The following KIF21B variants were observed in gnomAD, a reference collection of about 807,000 sequenced individuals.
KIF21B encodes kinesin-like protein KIF21B.
KIF21B carries 85 observed loss-of-function variants against 192.9 expected under a neutral mutation model. That is an observed-to-expected ratio of 0.44 (90% CI 0.37 to 0.53). The LOEUF (loss-of-function observed/expected upper bound fraction) is 0.53. Ranked by LOEUF, KIF21B falls within the 20% of genes least tolerant of loss-of-function variation. The probability of loss-of-function intolerance (pLI) is 0.00; values close to 1 mark genes in which losing one functional copy is unlikely to be tolerated. For missense variants in KIF21B, 1,716 were observed against 2,194.8 expected (o/e 0.78, Z 4.36); for synonymous variants, 832 against 884.6 (o/e 0.94, Z 1.05).
Position 200,969,811 on chromosome 1 carries a change from CAG to C in KIF21B, c.*3708_*3709del, listed in dbSNP as rs1655130874. 2 of 152,462 alleles carry C rather than the reference CAG, an allele frequency of 1.3e-5. No individual in the cohort carries two copies. Among genetic ancestry groups the C allele is most frequent in the Non-Finnish European group, 2.9e-5 (2 of 68,094 alleles). 9.4% of individuals were successfully genotyped at this position (152,462 alleles called of 1,614,324 possible). A position where few individuals can be genotyped will look rare whatever the true frequency, so the allele number is the denominator to read the frequency against. On this transcript the variant is annotated 3_prime_UTR_variant, in exon 35 of 35. Transcript: ENST00000461742. ...CAGAACAAAGGTATCAAAGAAGAAACAGAACTTTCCCTGCAAAATCTGTCCTT... is the reference window on the plus strand; with the variant it reads ...CAGAACAAAGGTATCAAAGAAGAAACAACTTTCCCTGCAAAATCTGTCCTT...
chr1:200,991,641 C>T lies in KIF21B; in HGVS notation c.2454+16G>A. The T allele has an allele frequency of 6.2e-7, 1 of 1,613,432 alleles. No individual in the cohort carries two copies. Among genetic ancestry groups the T allele is most frequent in the South Asian group, 1.1e-5 (1 of 91,060 alleles). ...CAGCAGGGCCAGGGCCTCGCCAGCC[C>T]CTCGAGTGAGCTCACCTCCTGGGTC... On this transcript the variant is annotated intron_variant, in intron 17 of 34. Coordinates refer to ENST00000461742, the MANE Select transcript of KIF21B (RefSeq NM_001252102.2).
chr1:201,009,359 G>A lies in KIF21B; in HGVS notation c.171C>T (p.Asp57=). Residue 57 remains aspartate, a synonymous_variant, in exon 2 of 35, where the codon GAC becomes GAT. Coordinates refer to ENST00000461742, the MANE Select transcript of KIF21B (RefSeq NM_001252102.2). The part of the protein sequence containing the change: ...AFTYDFVFDL[D]TWQEQIYSTC... ...TGGAATAGATCTGTTCTTGCCAGGT[G>A]TCCAGGTCGAAGACAAAGTCATAGG... The A allele has an allele frequency of 6.2e-7, 1 of 1,614,274 alleles. No homozygotes were observed.
intron 34 of KIF21B, chr1:200,974,039 G>C (rs766816060): frequency 1.3e-6 from 2 of 1,590,866 alleles, no homozygotes; most frequent in South Asian, 1.1e-5. Context: ...TGGGGAAAGA[G>C]AGGGAAAAGG....
Position 200,999,751 on chromosome 1 carries a change from G to A in KIF21B, c.1767+132C>T, listed in dbSNP as rs16847508. ...GGTAACCAGTCAGAGATATAAGGAA[G>A]TACAAGGATCAACTGGATGCAGACC... On this transcript the variant is annotated intron_variant, in intron 12 of 34. Coordinates refer to ENST00000461742, the MANE Select transcript of KIF21B (RefSeq NM_001252102.2). The surrounding 1 kb of genome is among the most constrained non-coding windows in gnomAD (Gnocchi z 4.7). 134,232 of 963,818 alleles carry A rather than the reference G, an allele frequency of 0.14. 12,203 individuals are homozygous for A. Among genetic ancestry groups the A allele is most frequent in the African/African-American group, 0.41 (25,545 of 62,518 alleles). The allele number at this position is 963,818 out of a possible 1,614,324, so 59.7% of individuals were successfully genotyped here.
At chr1:200,979,300 G>A (rs1172408612) in intron 30 of KIF21B, among the ~76,000 whole-genome samples, 3 of 152,218 alleles carry the variant, frequency 2.0e-5, no homozygotes, top group Non-Finnish European at 4.4e-5. Flanking sequence ...TGGGCTGTGG[G>A]TGGAGGCCAG....
rs1657773012 is a variant in KIF21B, at chr1:201,005,662, G to A, written c.480C>T (p.Asp160=). Residue 160 remains aspartate, a synonymous_variant, in exon 4 of 35, where the codon GAC becomes GAT. Transcript: ENST00000461742. The stretch of plus-strand genomic sequence containing the variant: ...GGCGGGTGTCAGGGTCACGGGTGCT[G>A]TCAAACAGGTCAAGGATCTCCTCGT... The part of the protein sequence containing the change: ...LYNEEILDLF[D]STRDPDTRHR... 6.2e-7 allele frequency: 1 copy of A among 1,614,038 alleles called. No homozygotes were observed. The highest frequency in any genetic ancestry group is 1.3e-5 in the African/African-American group (1 of 74,938).
At position 201,017,796 on chromosome 1, in the gene KIF21B, C is replaced by T. The variant is rs2102481261; in HGVS notation, c.41+5547G>A. ...TCATAAAGGACAGGGGGCTTCACCT[C>T]AGGAAAGCAGAGGGATAGACACTCA... On this transcript the variant is annotated intron_variant, in intron 1 of 34. Transcript: ENST00000461742. The surrounding 1 kb of genome is among the most constrained non-coding windows in gnomAD (Gnocchi z 4.1). Among the ~76,000 whole-genome samples the T allele has an allele frequency of 6.6e-6, 1 of 152,332 alleles. No individual in the cohort carries two copies. The highest frequency in any genetic ancestry group is 3.4e-3 in the Middle Eastern group (1 of 294).
rs779792283 is a variant in KIF21B at position 201,004,508 on chromosome 1, G to T, written c.901-53C>A. Reference sequence around the variant, plus strand: ...CAGTCACTCAGGGAGCGAAGGGTAGGGAGGGACAAGAAAATCCCCAACCCA... The same window carrying T: ...CAGTCACTCAGGGAGCGAAGGGTAGTGAGGGACAAGAAAATCCCCAACCCA... On this transcript the variant is annotated intron_variant, in intron 6 of 34. Transcript: ENST00000461742. 5 of 1,454,222 alleles carry T rather than the reference G, an allele frequency of 3.4e-6. No individual in the cohort carries two copies. The East Asian group carries it at 1.2e-4, about 36-fold the overall frequency. The allele number at this position is 1,454,222 out of a possible 1,614,324, so 90.1% of individuals were successfully genotyped here. A position where few individuals can be genotyped will look rare whatever the true frequency, so the allele number is the denominator to read the frequency against.
intron 3 of KIF21B, among the ~76,000 whole-genome samples, chr1:201,007,525 CACACAG>C (rs1657960855): frequency 6.6e-6 from 1 of 150,982 alleles, no homozygotes; most frequent in African/African-American, 2.4e-5. Flanking sequence ...CACACAGAGA[CACACAG>C]ACACACACAC....
chr1:200,979,073 C>A (rs955252047), intron 30 of KIF21B, among the ~76,000 whole-genome samples: 9 of 152,192 alleles, frequency 5.9e-5, no homozygotes, highest in Admixed American at 2.6e-4. Context: ...CTAAAAAAAA[C>A]CACTTTATTT....
intron 30 of KIF21B, among the ~76,000 whole-genome samples, chr1:200,978,324 C>A (rs1219052196): frequency 6.6e-6 from 1 of 151,908 alleles, no homozygotes; most frequent in East Asian, 1.9e-4. Flanking sequence ...GCTGCGATTA[C>A]AGGTGTGAGC....
At chr1:201,002,846 C>T (rs1374746346) in intron 8 of KIF21B, 4 of 156,616 alleles carry the variant, frequency 2.6e-5, no homozygotes, top group African/African-American at 9.6e-5. Flanking sequence ...ACTGAAACTC[C>T]CTGATTTTCA....
chr1:201,021,093 G>C (rs982756544), intron 1 of KIF21B, among the ~76,000 whole-genome samples: 3 of 152,206 alleles, frequency 2.0e-5, no homozygotes, highest in Admixed American at 6.5e-5. Flanking sequence ...TCTTTCAGGT[G>C]AGAGAAGTGA....
intron 8 of KIF21B, chr1:201,002,618 A>G (rs1266272925): frequency 6.6e-6 from 3 of 454,798 alleles, no homozygotes; most frequent in Non-Finnish European, 1.2e-5. Context: ...CTAACTTTCC[A>G]CAGTGTATTT....
At position 201,009,338 on chromosome 1, in the gene KIF21B, A is replaced by AT. The variant is rs912118630; in HGVS notation, c.191dup (p.Tyr64Ter). 3 of 1,614,256 alleles carry AT rather than the reference A, an allele frequency of 1.9e-6. No homozygotes were observed. The Admixed American group carries it at 5.0e-5, about 27-fold the overall frequency. ...CGATGAGCTTGCTCACACAGGTGGA[A>AT]TAGATCTGTTCTTGCCAGGTGTCCA... ...FDLDTWQEQI[Y>*]STCVSKLIEG... The change falls in exon 2 of 35, where the codon TAT (tyrosine) becomes TAAT (stop). Residue 64 changes from tyrosine (Y) to a stop codon, truncating the protein, a stop_gained and frameshift_variant. Transcript: ENST00000461742. LOFTEE classifies it high-confidence loss of function.
At chr1:201,010,987 A>G (rs1209448358) in intron 1 of KIF21B, among the ~76,000 whole-genome samples, 1 of 152,158 alleles carries the variant, frequency 6.6e-6, no homozygotes, top group East Asian at 1.9e-4. Context: ...CCTTCTTCAG[A>G]AGTGTTTCCG....
In KIF21B at chr1:200,971,555, C is replaced by G. The variant is rs538843556; in HGVS notation, c.*1966G>C. 1 of 152,402 alleles carries G rather than the reference C, an allele frequency of 6.6e-6. No homozygotes were observed. The highest frequency in any genetic ancestry group is 2.4e-5 in the African/African-American group (1 of 41,438). The allele number at this position is 152,402 out of a possible 1,614,324, so 9.4% of individuals were successfully genotyped here. A position where few individuals can be genotyped will look rare whatever the true frequency, so the allele number is the denominator to read the frequency against. On this transcript the variant is annotated 3_prime_UTR_variant, in exon 35 of 35. Transcript: ENST00000461742. ...GGTCAAAACTTTCTGTTCAGGTTGG[C>G]GGGGAGGAGTGGGAAGAGATTTGTG...
intron 7 of KIF21B, 110 bp from the exon 8 acceptor site, chr1:201,003,891 C>T: frequency 1.8e-6 from 2 of 1,140,376 alleles, no homozygotes; most frequent in East Asian, 2.4e-5. Context: ...TACCTTAATG[C>T]CCAAAGCACG....
rs749456372 is a variant in KIF21B at position 200,990,318 on chromosome 1, C to T, written c.2850G>A (p.Leu950=). 4 of 1,610,528 alleles carry T rather than the reference C, an allele frequency of 2.5e-6. No individual in the cohort carries two copies. Among genetic ancestry groups the T allele is most frequent in the Non-Finnish European group, 3.4e-6 (4 of 1,178,620 alleles). Reference sequence around the variant, plus strand: ...TCCGCAGTGCCTCCTGCAGGAGGAACAGCTCCTCCCTTTTCTGGGGTCAGA... The same window carrying T: ...TCCGCAGTGCCTCCTGCAGGAGGAATAGCTCCTCCCTTTTCTGGGGTCAGA... ...MERLIKKREE[L]FLLQEALRRK... Residue 950 remains leucine, a synonymous_variant, in exon 20 of 35, where the codon CTG becomes CTA. Coordinates refer to ENST00000461742, the MANE Select transcript of KIF21B (RefSeq NM_001252102.2). This position sits in a 1 kb window ranked among gnomAD's most constrained non-coding sequence, Gnocchi z 5.4.
Sources: allele counts gnomAD v4.1 joint callset (sites outside exome capture counted in the v4.1 genomes callset), GRCh38; gene constraint gnomAD v4.1.1; non-coding constraint Gnocchi (gnomAD v3.1); transcripts MANE v1.5; gene names NCBI Gene and HGNC (gene_info 2026-07-23, HGNC 2026-07-21).